RGS3: variants seen among roughly 807,000 people sequenced by gnomAD.
RGS3 encodes regulator of G protein signaling 3.
RGS3 carries 80 observed loss-of-function variants against 132.6 expected under a neutral mutation model. That is an observed-to-expected ratio of 0.60 (90% CI 0.50 to 0.73). RGS3 has a LOEUF of 0.73. Ranked by LOEUF, RGS3 falls within the 30% of genes least tolerant of loss-of-function variation. The probability of loss-of-function intolerance (pLI) is 0.00; values close to 1 mark genes in which losing one functional copy is unlikely to be tolerated. For missense variants in RGS3, 1,382 were observed against 1,530.8 expected (o/e 0.90, Z 1.62); for synonymous variants, 598 against 620.6 (o/e 0.96, Z 0.54).
exon 25 of RGS3, chr9:113,597,237 T>A: frequency 5.7e-6 from 2 of 349,786 alleles, no homozygotes; most frequent in Non-Finnish European, 5.2e-6. Flanking sequence ...TGCTGCTCCC[T>A]GCTGCGGAGA....
Position 113,502,896 on chromosome 9 carries a change from A to T in RGS3, c.898-2546A>T, listed in dbSNP as rs572095616. Among the ~76,000 whole-genome samples, 61 of 152,142 alleles carry T rather than the reference A, an allele frequency of 4.0e-4. 1 individual carries two copies. The highest frequency in any genetic ancestry group is 7.8e-4 in the Non-Finnish European group (53 of 68,016). On this transcript the variant is annotated intron_variant, in intron 10 of 24. Coordinates refer to ENST00000350696, the Ensembl canonical transcript of RGS3. ...GTTCCTCTCTGAGCCTTTATCTCCT[A>T]GTCAGTAAAATAGGATAATGAAATC... is the stretch of plus-strand genomic sequence containing the variant.
chr9:113,592,112 G>T (rs982512935), intron 21 of RGS3: 1 of 152,380 alleles, frequency 6.6e-6, no homozygotes, highest in Non-Finnish European at 1.5e-5. Context: ...TGGGCTATAG[G>T]GAGGAGCCTC....
upstream of RGS3, among the ~76,000 whole-genome samples, chr9:113,458,496 T>C (rs1353542630): frequency 6.6e-6 from 1 of 152,238 alleles, no homozygotes; most frequent in Non-Finnish European, 1.5e-5. Context: ...ATTTTATTAG[T>C]ATTTTTACAT....
chr9:113,597,010 C>G (rs1014622842), exon 25 of RGS3: 1 of 1,448,498 alleles, frequency 6.9e-7, no homozygotes. Context: ...CCCTGCCCAC[C>G]TGCCTCCCTG....
intron 7 of RGS3, among the ~76,000 whole-genome samples, chr9:113,494,149 C>G (rs1830610516): frequency 6.6e-6 from 1 of 152,066 alleles, no homozygotes; most frequent in Non-Finnish European, 1.5e-5. Context: ...AAAAAAAACT[C>G]TTACTGTCAG....
chr9:113,482,164 A>G (rs1830185324), intron 4 of RGS3, among the ~76,000 whole-genome samples: 1 of 152,068 alleles, frequency 6.6e-6, no homozygotes, highest in African/African-American at 2.4e-5. Context: ...TATAGACCTC[A>G]GGCAAATGGT....
In RGS3 at chr9:113,564,847, G is replaced by A. The variant is rs768029424; in HGVS notation, c.2038-18603G>A. 509 of 864,376 alleles carry A rather than the reference G, an allele frequency of 5.9e-4. 1 individual carries two copies. Among genetic ancestry groups the A allele is most frequent in the Non-Finnish European group, 7.0e-4 (501 of 718,692 alleles). The allele number at this position is 864,376 out of a possible 1,614,324, so 53.5% of individuals were successfully genotyped here. On this transcript the variant is annotated intron_variant, in intron 19 of 24. Transcript: ENST00000350696. ...AGTCGCATTCTGGAAGTCAGCGTGT[G>A]CTGGCTGCAGGAGCCTGGGTTCAGT...
intron 19 of RGS3, among the ~76,000 whole-genome samples, chr9:113,574,039 T>C (rs921475768): frequency 1.3e-5 from 2 of 152,240 alleles, no homozygotes; most frequent in African/African-American, 4.8e-5. Context: ...AAAATGATAC[T>C]GATCTCATAG....
At chr9:113,476,298 T>A (rs1829993189) in intron 3 of RGS3, among the ~76,000 whole-genome samples, 1 of 151,998 alleles carries the variant, frequency 6.6e-6, no homozygotes, top group South Asian at 2.1e-4. Context: ...AATCTCCAGC[T>A]CTGGATTCTC....
chr9:113,511,027 G>T lies in RGS3; in HGVS notation c.1477+2447G>T, dbSNP rs569297402. 8.5e-5 allele frequency among the ~76,000 whole-genome samples: 13 copies of T among 152,270 alleles called. No individual in the cohort carries two copies. The East Asian group carries it at 2.5e-3, about 29-fold the overall frequency. On this transcript the variant is annotated intron_variant, in intron 14 of 24. Coordinates refer to ENST00000350696, the Ensembl canonical transcript of RGS3. ...CAAGAGATAGCCCTTCAGGAGTGTT[G>T]GGTCATCCTGAGTTGAATAGGAGGG...
rs532160400 is a variant in RGS3 at position 113,579,709 on chromosome 9, A to G, written c.2038-3741A>G. ...CCATGCTCCTTCAAACTAGTTGTCT[A>G]ACCTCTGTTTTTTCTACTTAACTGA... On this transcript the variant is annotated intron_variant, in intron 19 of 24. Coordinates refer to ENST00000350696, the Ensembl canonical transcript of RGS3. The surrounding 1 kb of genome is among the most constrained non-coding windows in gnomAD (Gnocchi z 4.3). Among the ~76,000 whole-genome samples the G allele has an allele frequency of 6.6e-6, 1 of 152,214 alleles. No individual in the cohort carries two copies. Among genetic ancestry groups the G allele is most frequent in the South Asian group, 2.1e-4 (1 of 4,818 alleles).
chr9:113,497,587 G>C (rs1249317554), intron 9 of RGS3, among the ~76,000 whole-genome samples, 183 bp downstream of exon 7: 1 of 152,168 alleles, frequency 6.6e-6, no homozygotes, highest in Non-Finnish European at 1.5e-5. Flanking sequence ...TCTTGCCCAT[G>C]CCTCCACTGT....
Position 113,507,207 on chromosome 9 carries a change from C to T in RGS3, c.1086-80C>T. ...CTGCCTCCTCTTCCCCCATTATCCT[C>T]TCTGCCCTGTGGGCCCTCACTCTGG... On this transcript the variant is annotated intron_variant, in intron 12 of 24. Transcript: ENST00000350696. The surrounding 1 kb of genome is among the most constrained non-coding windows in gnomAD (Gnocchi z 5.0). 1.7e-6 allele frequency: 2 copies of T among 1,181,562 alleles called. No individual in the cohort carries two copies. The highest frequency in any genetic ancestry group is 2.4e-6 in the Non-Finnish European group (2 of 830,172). The allele number at this position is 1,181,562 out of a possible 1,614,324, so 73.2% of individuals were successfully genotyped here. A position where few individuals can be genotyped will look rare whatever the true frequency, so the allele number is the denominator to read the frequency against.
exon 20 of RGS3, chr9:113,584,077 G>A (rs2118984920): frequency 1.9e-6 from 3 of 1,614,198 alleles, no homozygotes; most frequent in Non-Finnish European, 2.5e-6. Flanking sequence ...CGAGGAGGTG[G>A]AGGAGGGGGA....
At chr9:113,590,287 T>C (rs552932203) in intron 20 of RGS3, among the ~76,000 whole-genome samples, 10 of 152,216 alleles carry the variant, frequency 6.6e-5, no homozygotes, top group African/African-American at 2.4e-4. Context: ...GTCTGGCCTA[T>C]AGTATGAGCT....
At chr9:113,543,865 C>T (rs1029415937) in intron 19 of RGS3, among the ~76,000 whole-genome samples, 2 of 152,246 alleles carry the variant, frequency 1.3e-5, no homozygotes, top group African/African-American at 4.8e-5. Context: ...AAGTGGACAT[C>T]AGTTCCTGGT....
Position 113,514,655 on chromosome 9 carries a change from G to A in RGS3, c.1674+1G>A. 1 of 1,613,072 alleles carries A rather than the reference G, an allele frequency of 6.2e-7. No homozygotes were observed. Among genetic ancestry groups the A allele is most frequent in the Non-Finnish European group, 8.5e-7 (1 of 1,179,864 alleles). On this transcript the variant is annotated splice_donor_variant, in intron 15 of 24. Transcript: ENST00000350696. LOFTEE classifies it high-confidence loss of function. ...CCTGGTGTTCCCTGTCTTTGTTCAG[G>A]TGAGCCCGTGGCTGGTCTTAAAGGT...
intron 10 of RGS3, among the ~76,000 whole-genome samples, chr9:113,503,820 TC>T (rs1831017845): frequency 6.6e-6 from 1 of 152,194 alleles, no homozygotes; most frequent in Non-Finnish European, 1.5e-5. Context: ...GCTCCTGGCG[TC>T]TTCCCTGGCC....
intron 16 of RGS3, among the ~76,000 whole-genome samples, chr9:113,520,979 G>A (rs1199100770): frequency 4.6e-5 from 7 of 152,144 alleles, no homozygotes; most frequent in Non-Finnish European, 1.0e-4. Context: ...AATGGTCCCT[G>A]GCTGTGTGGC....
Sources: gnomAD v4.1 joint callset for allele counts (sites outside exome capture counted in the v4.1 genomes callset) on GRCh38, gnomAD v4.1.1 for gene constraint, Gnocchi (gnomAD v3.1) non-coding constraint, MANE v1.5 for transcripts, NCBI Gene and HGNC (gene_info 2026-07-23, HGNC 2026-07-21) for gene names.